Variants in GRM5 observed in about 807,000 individuals in gnomAD.
GRM5 encodes glutamate metabotropic receptor 5, also known as metabotropic glutamate receptor 5.
A neutral mutation model predicts 83.1 loss-of-function variants in GRM5; 19 were observed. That is an observed-to-expected ratio of 0.23 (90% confidence interval 0.16 to 0.34). GRM5 has a LOEUF of 0.34. Among genes scored for constraint, GRM5 ranks in the 10% least tolerant of loss-of-function variants. The pLI is 1.00. For missense variants in GRM5, 1,160 were observed against 1,588.3 expected (o/e 0.73, Z 4.58); for synonymous variants, 675 against 633.6 (o/e 1.07, Z -0.98).
chr11:88,824,052 C>T (rs1455709902), intron 3 of GRM5, among the ~76,000 whole-genome samples: 1 of 152,138 alleles, frequency 6.6e-6, no homozygotes, highest in Admixed American at 6.6e-5. Context: ...GAGAATTTGG[C>T]TTTCTTTGTA....
intron 3 of GRM5, among the ~76,000 whole-genome samples, chr11:88,707,624 G>A (rs546999653): frequency 6.6e-6 from 1 of 152,210 alleles, no homozygotes. Flanking sequence ...TTTTATATGA[G>A]GGGCTTGAGC....
In GRM5 at chr11:88,509,247, G is replaced by A. The variant is rs1214890955; in HGVS notation, c.2984C>T (p.Ala995Val). The part of the protein sequence containing the change: ...AGPGGPESPD[A>V]GPKALYDVAE... ...CACATCATACAGCGCCTTGGGGCCGGCGTCTGGGGACTCGGGCCCGCCTGG... is the reference window on the plus strand; with the variant it reads ...CACATCATACAGCGCCTTGGGGCCGACGTCTGGGGACTCGGGCCCGCCTGG... Residue 995 changes from alanine (A) to valine (V), a missense_variant, in exon 10 of 10, where the codon GCC (alanine) becomes GTC (valine). Ala to Val is a moderately conservative substitution (Grantham distance 64). Around this residue, in one of 9 missense-constraint regions of GRM5, gnomAD observed 562 missense variants for 532.4 expected, o/e 1.06. Coordinates refer to ENST00000305447, the MANE Select transcript of GRM5 (RefSeq NM_001143831.3). The A allele has an allele frequency of 2.7e-6, 4 of 1,491,846 alleles. No individual in the cohort carries two copies. Among genetic ancestry groups the A allele is most frequent in the South Asian group, 2.6e-5 (2 of 78,428 alleles). The allele number at this position is 1,491,846 out of a possible 1,614,324, so 92.4% of individuals were successfully genotyped here. A position where few individuals can be genotyped will look rare whatever the true frequency, so the allele number is the denominator to read the frequency against.
At chr11:88,886,415 C>A (rs555061049) in intron 2 of GRM5, among the ~76,000 whole-genome samples, 2 of 152,112 alleles carry the variant, frequency 1.3e-5, no homozygotes, top group African/African-American at 4.8e-5. Context: ...ATTTTAGAAC[C>A]AGATCAAACC....
chr11:88,702,977 G>A (rs145805520), intron 3 of GRM5, among the ~76,000 whole-genome samples: 3 of 152,188 alleles, frequency 2.0e-5, no homozygotes, highest in Non-Finnish European at 4.4e-5. Context: ...CCATTCGATC[G>A]GTGATATTCT....
chr11:89,008,083 T>C (rs1296283334), intron 2 of GRM5, among the ~76,000 whole-genome samples: 1 of 152,202 alleles, frequency 6.6e-6, no homozygotes, highest in Non-Finnish European at 1.5e-5. Context: ...GTAATACAAT[T>C]ATATGTTTTT....
At chr11:88,777,100 T>G (rs896210576) in intron 3 of GRM5, among the ~76,000 whole-genome samples, 3 of 152,232 alleles carry the variant, frequency 2.0e-5, no homozygotes, top group Admixed American at 2.0e-4. Context: ...TTTGGTCTTT[T>G]CACATAGTCC....
intron 4 of GRM5, among the ~76,000 whole-genome samples, chr11:88,626,295 TA>T (rs374126849): frequency 2.7e-4 from 41 of 152,346 alleles, no homozygotes; most frequent in African/African-American, 9.4e-4. Context: ...TATATTTTGC[TA>T]GAATTTCACA....
At chr11:88,943,962 G>T (rs558173371) in intron 2 of GRM5, among the ~76,000 whole-genome samples, 1 of 151,900 alleles carries the variant, frequency 6.6e-6, no homozygotes, top group African/African-American at 2.4e-5. Context: ...GCCTTACCTC[G>T]AGAAGTTGTA....
chr11:88,602,030 A>G (rs959554817), intron 5 of GRM5, among the ~76,000 whole-genome samples: 2 of 151,926 alleles, frequency 1.3e-5, no homozygotes, highest in African/African-American at 4.8e-5. Context: ...GTAAAGGTCC[A>G]TATTTCTTAT....
chr11:88,560,102 G>T (rs961000774), intron 8 of GRM5, among the ~76,000 whole-genome samples: 2 of 152,108 alleles, frequency 1.3e-5, no homozygotes, highest in Admixed American at 1.3e-4. Flanking sequence ...AAGTCAGGCA[G>T]GGGGTGGCCA....
intron 2 of GRM5, among the ~76,000 whole-genome samples, chr11:89,036,769 G>T (rs753851338): frequency 6.0e-5 from 9 of 151,254 alleles, no homozygotes; most frequent in Non-Finnish European, 1.3e-4. Context: ...TTATTTCAAA[G>T]CGTCAAAAAA....
At chr11:88,905,223 T>A (rs1295436722) in intron 2 of GRM5, among the ~76,000 whole-genome samples, 1 of 152,176 alleles carries the variant, frequency 6.6e-6, no homozygotes, top group Non-Finnish European at 1.5e-5. Flanking sequence ...GAGTACATGT[T>A]CCCAACGATA....
intron 8 of GRM5, among the ~76,000 whole-genome samples, chr11:88,537,892 G>T (rs527268384): frequency 6.6e-6 from 1 of 152,052 alleles, no homozygotes; most frequent in African/African-American, 2.4e-5. Context: ...TTGAGAAATT[G>T]CCAGGTAACA....
intron 3 of GRM5, among the ~76,000 whole-genome samples, chr11:88,766,892 G>A (rs1297521806): frequency 1.3e-5 from 2 of 151,914 alleles, no homozygotes; most frequent in East Asian, 1.9e-4. Flanking sequence ...ATGGGCAAAG[G>A]ATGTGAACAG....
At chr11:88,685,089 A>G (rs1591438914) in intron 3 of GRM5, among the ~76,000 whole-genome samples, 1 of 152,332 alleles carries the variant, frequency 6.6e-6, no homozygotes. Context: ...AGACAAGAAT[A>G]TGTAGGAAAG....
At chr11:88,977,183 T>G (rs1427532047) in intron 2 of GRM5, among the ~76,000 whole-genome samples, 2 of 150,254 alleles carry the variant, frequency 1.3e-5, no homozygotes, top group Middle Eastern at 7.1e-3. Context: ...ATATTTTTGT[T>G]TCTATTTTTA....
intron 2 of GRM5, among the ~76,000 whole-genome samples, chr11:88,970,728 G>A (rs1297990244): frequency 6.6e-6 from 1 of 152,130 alleles, no homozygotes; most frequent in African/African-American, 2.4e-5. Flanking sequence ...TGATAAATTT[G>A]TCTTCCTTTT....
intron 3 of GRM5, among the ~76,000 whole-genome samples, chr11:88,832,814 G>GT (rs1159603867): frequency 1.3e-5 from 2 of 151,966 alleles, no homozygotes; most frequent in Admixed American, 6.6e-5. Context: ...AAATCCATGC[G>GT]TTTTTTATCC....
At chr11:89,026,998 G>A (rs773965182) in intron 2 of GRM5, among the ~76,000 whole-genome samples, 1 of 152,184 alleles carries the variant, frequency 6.6e-6, no homozygotes, top group Non-Finnish European at 1.5e-5. Context: ...TCAAGAGACA[G>A]AGACAAGTTT....
Sources: allele counts gnomAD v4.1 joint callset (sites outside exome capture counted in the v4.1 genomes callset), GRCh38; gene constraint gnomAD v4.1.1; regional missense constraint gnomAD v4.1.1; transcripts MANE v1.5; gene names NCBI Gene and HGNC (gene_info 2026-07-23, HGNC 2026-07-21).